CACNG2: variants seen among roughly 807,000 people sequenced by gnomAD.
CACNG2 encodes voltage-dependent calcium channel gamma-2 subunit.
A neutral mutation model predicts 25.9 loss-of-function variants in CACNG2; 3 were observed. The observed-to-expected ratio is 0.12, with a 90% CI of 0.05 to 0.30. CACNG2 has a LOEUF of 0.30. Among genes scored for constraint, CACNG2 ranks in the 10% least tolerant of loss-of-function variants. CACNG2 has a pLI of 1.00. For synonymous variants in CACNG2, 167 were observed against 173.3 expected (o/e 0.96, Z 0.29); for missense variants, 341 against 432.5 (o/e 0.79, Z 1.88).
intron 1 of CACNG2, among the ~76,000 whole-genome samples, chr22:36,641,295 T>A (rs1231104560): frequency 6.6e-6 from 1 of 152,178 alleles, no homozygotes; most frequent in African/African-American, 2.4e-5. Context: ...CTCTGCTGGA[T>A]CTCCAGTACC....
chr22:36,637,613 G>A (rs993909219), intron 1 of CACNG2, among the ~76,000 whole-genome samples: 7 of 152,130 alleles, frequency 4.6e-5, no homozygotes, highest in African/African-American at 1.2e-4. Context: ...AATGACAATC[G>A]TCCTGGGGAG....
chr22:36,685,167 C>T (rs548213317), intron 1 of CACNG2, among the ~76,000 whole-genome samples: 10 of 152,212 alleles, frequency 6.6e-5, no homozygotes, highest in East Asian at 3.9e-4. Flanking sequence ...TTTCTGGGGG[C>T]GGCAGGGGGT....
intron 1 of CACNG2, among the ~76,000 whole-genome samples, chr22:36,607,601 A>G (rs1275439302): frequency 1.3e-5 from 2 of 152,196 alleles, no homozygotes; most frequent in Admixed American, 6.5e-5. Flanking sequence ...GAGTCAAGCC[A>G]GAGTGCTCAA....
At chr22:36,613,154 C>CTGTGTGTGTGTGTG (rs199852721) in intron 1 of CACNG2, among the ~76,000 whole-genome samples, 8 of 73,900 alleles carry the variant, frequency 1.1e-4, no homozygotes, top group African/African-American at 2.2e-4. Flanking sequence ...ATTACAGGCT[C>CTGTGTGTGTGTGTG]TCTGTGTGTG....
In CACNG2 at chr22:36,679,197, C is replaced by CCTTTCTTTCTTTCTTTCTTT. The variant is rs1241104277; in HGVS notation, c.211+23149_211+23168dup. On this transcript the variant is annotated intron_variant, in intron 1 of 3. Transcript: ENST00000300105. ...TCCTTCCTTCCTTCCTTCCTTCCTTCCTTTCTTTCTTTCTTTCTTTCTTTC... is the reference window on the plus strand; with the variant it reads ...TCCTTCCTTCCTTCCTTCCTTCCTTCCTTTCTTTCTTTCTTTCTTTCTTTCTTTCTTTCTTTCTTTCTTTC... 2.2e-3 allele frequency among the ~76,000 whole-genome samples: 119 copies of CCTTTCTTTCTTTCTTTCTTT among 54,806 alleles called. 5 individuals carry two copies. Among genetic ancestry groups the CCTTTCTTTCTTTCTTTCTTT allele is most frequent in the Middle Eastern group, 0.013 (1 of 80 alleles). 36.0% of individuals were successfully genotyped at this position (54,806 alleles called of 152,430 possible). A position where few individuals can be genotyped will look rare whatever the true frequency, so the allele number is the denominator to read the frequency against.
At chr22:36,647,165 T>A (rs1936537658) in intron 1 of CACNG2, among the ~76,000 whole-genome samples, 1 of 152,142 alleles carries the variant, frequency 6.6e-6, no homozygotes. Context: ...CGCTTCTCTC[T>A]CTCTCTCCTC....
chr22:36,610,292 C>T (rs1202725939), intron 1 of CACNG2, among the ~76,000 whole-genome samples: 1 of 148,000 alleles, frequency 6.8e-6, no homozygotes, highest in Non-Finnish European at 1.5e-5. Flanking sequence ...GGGCAGGAAT[C>T]AGCCGCTTAG....
chr22:36,576,449 G>A (rs1935313867), intron 2 of CACNG2, among the ~76,000 whole-genome samples: 1 of 151,688 alleles, frequency 6.6e-6, no homozygotes, highest in African/African-American at 2.4e-5. Flanking sequence ...GATGATGGGT[G>A]CACCACAATC....
At chr22:36,679,864 G>C (rs1751906688) in intron 1 of CACNG2, among the ~76,000 whole-genome samples, 1 of 152,134 alleles carries the variant, frequency 6.6e-6, no homozygotes, top group South Asian at 2.1e-4. Flanking sequence ...TGGACACCGT[G>C]AAGAGTTGTT....
rs575313499 is a variant in CACNG2, at chr22:36,616,460, G to A, written c.212-28912C>T. On this transcript the variant is annotated intron_variant, in intron 1 of 3. Transcript: ENST00000300105. ...ATAGTCTAGCGCCTTACGATTCACCGGATTTTCCTGTCTCCAATTGTTCCC... is the reference window on the plus strand; with the variant it reads ...ATAGTCTAGCGCCTTACGATTCACCAGATTTTCCTGTCTCCAATTGTTCCC... 1.4e-3 allele frequency among the ~76,000 whole-genome samples: 211 copies of A among 152,244 alleles called. 3 individuals carry two copies. The South Asian group carries it at 0.018, about 13-fold the overall frequency.
At chr22:36,665,609 C>T (rs1266605059) in intron 1 of CACNG2, among the ~76,000 whole-genome samples, 1 of 152,050 alleles carries the variant, frequency 6.6e-6, no homozygotes, top group East Asian at 1.9e-4. Context: ...TAAGCAAGCA[C>T]ATGAAAAGAT....
At chr22:36,659,369 G>C (rs902784759) in intron 1 of CACNG2, among the ~76,000 whole-genome samples, 3 of 152,090 alleles carry the variant, frequency 2.0e-5, no homozygotes, top group Admixed American at 6.6e-5. Context: ...TCTCAGGGAC[G>C]GGAAAGGAGA....
intron 2 of CACNG2, among the ~76,000 whole-genome samples, chr22:36,581,022 C>G (rs1357661606): frequency 6.6e-6 from 1 of 152,136 alleles, no homozygotes; most frequent in Admixed American, 6.5e-5. Context: ...CATGGATGCA[C>G]GCTTGACATT....
chr22:36,604,249 C>T (rs899416172), intron 1 of CACNG2, among the ~76,000 whole-genome samples: 15 of 152,164 alleles, frequency 9.9e-5, no homozygotes, highest in African/African-American at 3.4e-4. Flanking sequence ...TTGCTGCAAT[C>T]TCATGATAAA....
In CACNG2 at chr22:36,654,416, G is replaced by A. The variant is rs115181508; in HGVS notation, c.211+47950C>T. On this transcript the variant is annotated intron_variant, in intron 1 of 3. Transcript: ENST00000300105. ...AATTTATTAATTTTTTTTTTTGGTA[G>A]AGACAGAGTTTCCCTATGTTGCACA... 5.6e-3 allele frequency among the ~76,000 whole-genome samples: 843 copies of A among 151,716 alleles called. 9 individuals carry two copies. Among genetic ancestry groups the A allele is most frequent in the African/African-American group, 0.019 (802 of 41,310 alleles).
intron 1 of CACNG2, among the ~76,000 whole-genome samples, chr22:36,650,777 C>A (rs994543902): frequency 6.6e-6 from 1 of 152,212 alleles, no homozygotes; most frequent in African/African-American, 2.4e-5. Flanking sequence ...GCCTGGGCCT[C>A]CCAGAATGCT....
intron 1 of CACNG2, among the ~76,000 whole-genome samples, chr22:36,690,763 CTGA>C (rs370089879): frequency 3.3e-5 from 5 of 152,030 alleles, no homozygotes; most frequent in Non-Finnish European, 5.9e-5. Context: ...AGAATGCATC[CTGA>C]TGATGATGAT....
chr22:36,588,304 C>G (rs1935536286), intron 1 of CACNG2, among the ~76,000 whole-genome samples: 5 of 152,200 alleles, frequency 3.3e-5, no homozygotes, highest in Admixed American at 1.3e-4. Flanking sequence ...TCTTTTGACT[C>G]TAAATGTTTC....
chr22:36,687,841 G>A (rs577610106), intron 1 of CACNG2, among the ~76,000 whole-genome samples: 132 of 152,256 alleles, frequency 8.7e-4, no homozygotes, highest in African/African-American at 3.1e-3. Flanking sequence ...CTACAGGCCA[G>A]GGAAGGAGGC....
Sources: gnomAD v4.1 joint callset for allele counts (sites outside exome capture counted in the v4.1 genomes callset) on GRCh38, gnomAD v4.1.1 for gene constraint, MANE v1.5 for transcripts, NCBI Gene and HGNC (gene_info 2026-07-23, HGNC 2026-07-21) for gene names.